The following CCDC141 variants were observed in gnomAD, a reference collection of about 807,000 sequenced individuals.
CCDC141 encodes coiled-coil domain-containing protein 141.
A neutral mutation model predicts 181.0 loss-of-function variants in CCDC141; 168 were observed. The observed-to-expected ratio is 0.93, with a 90% CI of 0.82 to 1.05. The LOEUF is 1.05. Ranked by LOEUF, CCDC141 falls within the 50% of genes least tolerant of loss-of-function variation. CCDC141 has a pLI of 0.00. For synonymous variants in CCDC141, 666 were observed against 642.3 expected, an observed-to-expected ratio of 1.04 and a Z score of -0.56; for missense variants, 1,902 against 1,788.5, an observed-to-expected ratio of 1.06 and a Z score of -1.14.
intron 2 of CCDC141, among the ~76,000 whole-genome samples, chr2:178,980,611 C>T (rs552553616): frequency 6.6e-6 from 1 of 152,144 alleles, no homozygotes; most frequent in South Asian, 2.1e-4. Context: ...CTTGCTCTAC[C>T]CCTCCTGGGT....
intron 2 of CCDC141, among the ~76,000 whole-genome samples, chr2:179,033,623 T>C (rs1207554791): frequency 6.6e-6 from 1 of 152,154 alleles, no homozygotes; most frequent in African/African-American, 2.4e-5. Flanking sequence ...GTCATTTTCA[T>C]TTATATTGAA....
rs1285336894 is a variant in CCDC141 at position 178,997,404 on chromosome 2, T to C, written c.226-18729A>G. 2.0e-5 allele frequency among the ~76,000 whole-genome samples: 3 copies of C among 152,148 alleles called. No homozygotes were observed. The East Asian group carries it at 5.8e-4, about 29-fold the overall frequency. On this transcript the variant is annotated intron_variant, in intron 2 of 23. Transcript: ENST00000443758. Reference sequence around the variant, plus strand: ...TTTTCTCTTCCCCTAAGGAGCAGTATGTATCAGTTAGTCAGCCTGAAACAC... The same window carrying C: ...TTTTCTCTTCCCCTAAGGAGCAGTACGTATCAGTTAGTCAGCCTGAAACAC...
At chr2:179,039,509 G>T (rs903206266) in intron 2 of CCDC141, among the ~76,000 whole-genome samples, 2 of 151,974 alleles carry the variant, frequency 1.3e-5, no homozygotes, top group Non-Finnish European at 2.9e-5. Context: ...GGTGTGTGAA[G>T]GTAACCGTTA....
intron 2 of CCDC141, among the ~76,000 whole-genome samples, chr2:179,013,176 G>T (rs747085820): frequency 3.3e-5 from 5 of 152,206 alleles, no homozygotes; most frequent in Middle Eastern, 3.4e-3. Flanking sequence ...ATGTCAAACT[G>T]CCCCTGTTTG....
At chr2:178,970,451 C>T (rs1225462623) in intron 4 of CCDC141, among the ~76,000 whole-genome samples, 2 of 152,154 alleles carry the variant, frequency 1.3e-5, no homozygotes, top group Non-Finnish European at 2.9e-5. Flanking sequence ...GAACACAGGC[C>T]TCAGAAATAA....
At chr2:178,890,701 A>C (rs1386169882) in intron 8 of CCDC141, among the ~76,000 whole-genome samples, 1 of 152,148 alleles carries the variant, frequency 6.6e-6, no homozygotes, top group Non-Finnish European at 1.5e-5. Flanking sequence ...ATGTTGCTCT[A>C]ATTCAACACT....
chr2:178,952,255 G>A (rs1689979360), intron 5 of CCDC141, among the ~76,000 whole-genome samples: 1 of 152,214 alleles, frequency 6.6e-6, no homozygotes. Context: ...TTGTATGCTA[G>A]TGATTATCCA....
At chr2:178,869,636 G>A (rs567823980) in intron 14 of CCDC141, among the ~76,000 whole-genome samples, 1 of 152,312 alleles carries the variant, frequency 6.6e-6, no homozygotes, top group South Asian at 2.1e-4. Flanking sequence ...ATTTTATGCA[G>A]CCCCATGATT....
At position 178,902,102 on chromosome 2, in the gene CCDC141, A is replaced by AT. The variant is rs1316884657; in HGVS notation, c.1265+3226_1265+3227insA. ...TACAAACCACTGCTCAATGAAATAA[A>AT]AGAGTATACAAACAAATGGAAGAAC... On this transcript the variant is annotated intron_variant, in intron 8 of 23. Transcript: ENST00000443758. 6.6e-5 allele frequency among the ~76,000 whole-genome samples: 10 copies of AT among 152,312 alleles called. No individual in the cohort carries two copies. In the East Asian group the frequency reaches 1.9e-3, roughly 29 times the overall value.
chr2:178,862,827 T>C lies in CCDC141; in HGVS notation c.2724+2940A>G, dbSNP rs79644780. 1.4e-3 allele frequency among the ~76,000 whole-genome samples: 208 copies of C among 152,356 alleles called. 2 individuals are homozygous for C. The East Asian group carries it at 0.036, about 27-fold the overall frequency. ...ACATTACATTTTTAAAAATTACATT[T>C]AGAACACTTTATTTTGCCTTGAGGT... On this transcript the variant is annotated intron_variant, in intron 17 of 23. Transcript: ENST00000443758.
At chr2:178,970,395 A>G (rs1487765083) in intron 4 of CCDC141, among the ~76,000 whole-genome samples, 1 of 152,212 alleles carries the variant, frequency 6.6e-6, no homozygotes, top group Non-Finnish European at 1.5e-5. Flanking sequence ...GGTAAACAAA[A>G]CAGCGTGATA....
intron 6 of CCDC141, among the ~76,000 whole-genome samples, chr2:178,927,837 G>A (rs1259895016): frequency 6.6e-6 from 1 of 152,082 alleles, no homozygotes; most frequent in Non-Finnish European, 1.5e-5. Flanking sequence ...AAAGAGAGAA[G>A]CAACGAAGAG....
chr2:178,842,991 G>C (rs1684790650), intron 22 of CCDC141, among the ~76,000 whole-genome samples: 2 of 152,168 alleles, frequency 1.3e-5, no homozygotes, highest in South Asian at 4.1e-4. Flanking sequence ...TGAGGGTAGA[G>C]GGGGAGTGCA....
chr2:178,882,806 A>T (rs1686690390), intron 11 of CCDC141, among the ~76,000 whole-genome samples: 1 of 152,008 alleles, frequency 6.6e-6, no homozygotes, highest in Admixed American at 6.6e-5. Flanking sequence ...CTGAGTAAAC[A>T]GAGTATTGGA....
At chr2:178,918,631 A>T in intron 7 of CCDC141, 82 bp downstream of exon 7, 1 of 1,152,884 alleles carries the variant, frequency 8.7e-7, no homozygotes, top group Middle Eastern at 2.1e-4. Flanking sequence ...GACTTCTGTG[A>T]TGTGCTCCAG....
At chr2:178,821,024 G>T in the CCDC141 span, among the ~76,000 whole-genome samples, 1 of 152,014 alleles carries the variant, frequency 6.6e-6, no homozygotes, top group African/African-American at 2.4e-5. Context: ...GTTAAACTAG[G>T]TTTGCATTTG....
intron 8 of CCDC141, among the ~76,000 whole-genome samples, chr2:178,899,269 T>C (rs1483002054): frequency 6.6e-6 from 1 of 152,126 alleles, no homozygotes; most frequent in African/African-American, 2.4e-5. Flanking sequence ...TGTAGGTATG[T>C]GTGTAAGATG....
At chr2:179,008,929 C>G (rs933311173) in intron 2 of CCDC141, among the ~76,000 whole-genome samples, 10 of 152,156 alleles carry the variant, frequency 6.6e-5, no homozygotes, top group Non-Finnish European at 1.2e-4. Context: ...AAAGAGAAAC[C>G]TCCTTTTAGT....
chr2:178,826,153 T>C (rs1276142809), downstream of CCDC141, among the ~76,000 whole-genome samples: 1 of 152,196 alleles, frequency 6.6e-6, no homozygotes, highest in East Asian at 1.9e-4. Flanking sequence ...CATTAGATTT[T>C]TGTCAAATGT....
Sources: allele counts gnomAD v4.1 joint callset (sites outside exome capture counted in the v4.1 genomes callset), GRCh38; gene constraint gnomAD v4.1.1; transcripts MANE v1.5; gene names NCBI Gene and HGNC (gene_info 2026-07-23, HGNC 2026-07-21).